Variants in BTRC observed in about 807,000 individuals in gnomAD.
BTRC encodes F-box/WD repeat-containing protein 1A.
A neutral mutation model predicts 85.5 loss-of-function variants in BTRC; 42 were observed. That is an observed-to-expected ratio of 0.49 (90% CI 0.38 to 0.64). BTRC has a LOEUF of 0.64. Among genes scored for constraint, BTRC ranks in the 30% least tolerant of loss-of-function variants. The pLI is 0.00. For synonymous variants in BTRC, 255 were observed against 263.3 expected (o/e 0.97, Z 0.30); for missense variants, 594 against 743.5 (o/e 0.80, Z 2.34).
intron 4 of BTRC, among the ~76,000 whole-genome samples, chr10:101,517,495 G>A (rs1367547979): frequency 6.6e-6 from 1 of 152,138 alleles, no homozygotes; most frequent in African/African-American, 2.4e-5. Context: ...TCTAAATGTG[G>A]TACAGTTTTA....
At chr10:101,394,538 T>C (rs1464114733) in intron 1 of BTRC, among the ~76,000 whole-genome samples, 1 of 152,234 alleles carries the variant, frequency 6.6e-6, no homozygotes, top group Non-Finnish European at 1.5e-5. Context: ...AGCAGGTCCT[T>C]CTTCCGCTTC....
intron 4 of BTRC, among the ~76,000 whole-genome samples, chr10:101,508,105 A>G (rs1465828510): frequency 6.6e-6 from 1 of 152,240 alleles, no homozygotes; most frequent in Non-Finnish European, 1.5e-5. Flanking sequence ...CCCTTTAACT[A>G]TGTCAGAAAT....
chr10:101,481,109 A>G (rs2134229936), intron 4 of BTRC, among the ~76,000 whole-genome samples: 1 of 152,028 alleles, frequency 6.6e-6, no homozygotes, highest in South Asian at 2.1e-4. Flanking sequence ...TCGGTTTTTT[A>G]GAGTTGTTTT....
intron 1 of BTRC, among the ~76,000 whole-genome samples, chr10:101,381,130 T>TTATAA (rs1554864996): frequency 1.6e-3 from 247 of 151,830 alleles, no homozygotes; most frequent in Non-Finnish European, 3.0e-3. Context: ...GTGGTGATAA[T>TTATAA]AATAACAATA....
At chr10:101,357,078 A>G (rs1385490633) in intron 1 of BTRC, among the ~76,000 whole-genome samples, 2 of 146,928 alleles carry the variant, frequency 1.4e-5, no homozygotes, top group African/African-American at 2.5e-5. Flanking sequence ...GCAGTGAGCC[A>G]AGATCGCGCC....
chr10:101,400,953 A>G (rs1267998662), intron 1 of BTRC, among the ~76,000 whole-genome samples: 1 of 152,092 alleles, frequency 6.6e-6, no homozygotes. Flanking sequence ...CCCACCGAAC[A>G]CTGCAATCAT....
chr10:101,426,217 C>T (rs954996020), intron 1 of BTRC, among the ~76,000 whole-genome samples: 2 of 152,136 alleles, frequency 1.3e-5, no homozygotes, highest in African/African-American at 4.8e-5. Context: ...AATATTTTTT[C>T]TCAGTGTTAA....
At chr10:101,362,686 C>T (rs566512635) in intron 1 of BTRC, among the ~76,000 whole-genome samples, 1 of 152,122 alleles carries the variant, frequency 6.6e-6, no homozygotes, top group Non-Finnish European at 1.5e-5. Flanking sequence ...TGAGCCACCA[C>T]GCCCGGCCAG....
intron 1 of BTRC, among the ~76,000 whole-genome samples, chr10:101,358,315 G>T (rs1942102545): frequency 6.6e-6 from 1 of 151,990 alleles, no homozygotes; most frequent in African/African-American, 2.4e-5. Context: ...TGTTGACAGG[G>T]GTGGTTTTTG....
rs553424194 is a variant in BTRC at position 101,544,564 on chromosome 10, T to A, written c.1657-6135T>A. ...CTGACTACAGGCTTGTGCCACCATA[T>A]CTGGCTAATTTTCTTTATTTTTTTA... is the stretch of plus-strand genomic sequence containing the variant. On this transcript the variant is annotated intron_variant, in intron 13 of 14. Transcript: ENST00000370187. Among the ~76,000 whole-genome samples, 19 of 152,124 alleles carry A rather than the reference T, an allele frequency of 1.2e-4. No individual in the cohort carries two copies. In the South Asian group the frequency reaches 3.5e-3, roughly 28 times the overall value.
intron 4 of BTRC, among the ~76,000 whole-genome samples, chr10:101,503,548 A>G (rs1946445801): frequency 6.6e-6 from 1 of 152,214 alleles, no homozygotes; most frequent in Non-Finnish European, 1.5e-5. Context: ...TCCAGAGAGA[A>G]ATGTCTTCAG....
intron 4 of BTRC, among the ~76,000 whole-genome samples, chr10:101,492,671 T>C (rs1049068122): frequency 6.6e-6 from 1 of 152,194 alleles, no homozygotes; most frequent in Non-Finnish European, 1.5e-5. Context: ...TAACCCTTTC[T>C]TTAGATAATA....
intron 1 of BTRC, among the ~76,000 whole-genome samples, chr10:101,366,004 AC>A (rs1942362781): frequency 6.6e-6 from 1 of 152,056 alleles, no homozygotes; most frequent in Non-Finnish European, 1.5e-5. Flanking sequence ...AATTTTACCT[AC>A]TTAGGGTCTC....
At chr10:101,369,925 CACTATATAGATG>C (rs967923809) in intron 1 of BTRC, among the ~76,000 whole-genome samples, 8 of 152,180 alleles carry the variant, frequency 5.3e-5, no homozygotes, top group Admixed American at 1.3e-4. Flanking sequence ...TCCCCACACC[CACTATATAGATG>C]CCGTCCTTGA....
At chr10:101,543,325 T>C (rs901032413) in intron 13 of BTRC, among the ~76,000 whole-genome samples, 14 of 152,250 alleles carry the variant, frequency 9.2e-5, no homozygotes, top group African/African-American at 3.4e-4. Context: ...TTTGATATTA[T>C]ATGTAAACAT....
chr10:101,508,913 T>TAAAAAAAAAAAAAAAAAAAA (rs59998718), intron 4 of BTRC, among the ~76,000 whole-genome samples: 22 of 101,928 alleles, frequency 2.2e-4, no homozygotes, highest in Admixed American at 3.3e-4. Context: ...GACTCCATCT[T>TAAAAAAAAAAAAAAAAAAAA]AAAAAAAAAA....
intron 1 of BTRC, among the ~76,000 whole-genome samples, chr10:101,428,271 T>A (rs7922809): frequency 6.6e-6 from 1 of 152,004 alleles, no homozygotes; most frequent in Non-Finnish European, 1.5e-5. Context: ...AGAAGGTGAG[T>A]TGATGTTGGC....
chr10:101,483,603 C>A (rs752172450), intron 4 of BTRC, among the ~76,000 whole-genome samples: 3 of 151,718 alleles, frequency 2.0e-5, no homozygotes, highest in Non-Finnish European at 4.4e-5. Flanking sequence ...AAAAAAAAAA[C>A]TGAAAATGTA....
At chr10:101,387,067 C>A (rs1224992528) in intron 1 of BTRC, among the ~76,000 whole-genome samples, 2 of 152,156 alleles carry the variant, frequency 1.3e-5, no homozygotes, top group African/African-American at 4.8e-5. Flanking sequence ...TTATCTCCCT[C>A]ATAAATCATG....
Sources: gnomAD v4.1 joint callset for allele counts (sites outside exome capture counted in the v4.1 genomes callset) on GRCh38, gnomAD v4.1.1 for gene constraint, MANE v1.5 for transcripts, NCBI Gene and HGNC (gene_info 2026-07-23, HGNC 2026-07-21) for gene names.